The following ZW10 variants were observed in gnomAD, a reference collection of about 807,000 sequenced individuals.
ZW10 encodes centromere/kinetochore protein zw10 homolog.
In ZW10, 53 loss-of-function variants were observed where a neutral mutation model predicts 87.8. That is an observed-to-expected ratio of 0.60 (90% CI 0.48 to 0.76). The LOEUF is 0.76. ZW10 is among the 30% of genes least tolerant of loss of function. The pLI is 0.00. For missense variants in ZW10, 837 were observed against 923.0 expected, an observed-to-expected ratio of 0.91 and a Z score of 1.21; for synonymous variants, 312 against 329.2, an observed-to-expected ratio of 0.95 and a Z score of 0.57.
chr11:113,759,018 T>A (rs1020534393), intron 5 of ZW10, among the ~76,000 whole-genome samples: 8 of 151,938 alleles, frequency 5.3e-5, no homozygotes, highest in South Asian at 4.2e-4. Flanking sequence ...TAACAAAAAA[T>A]TTAAAAATTG....
chr11:113,740,106 T>C (rs957665252), intron 11 of ZW10, among the ~76,000 whole-genome samples: 1 of 152,112 alleles, frequency 6.6e-6, no homozygotes, highest in Admixed American at 6.6e-5. Flanking sequence ...AACTAGGATA[T>C]ACAAGTCAGA....
chr11:113,773,501 G>A (rs748708955), intron 1 of ZW10, 61 bp downstream of exon 1: 121 of 1,454,714 alleles, frequency 8.3e-5, no homozygotes, highest in Non-Finnish European at 1.1e-4. Context: ...CCTCTCTCCA[G>A]TCCCTTCACA....
Position 113,748,372 on chromosome 11 carries a change from G to A in ZW10, c.974C>T (p.Pro325Leu). Residue 325 changes from proline to leucine, a missense_variant, in exon 8 of 16, where the codon CCA (proline) becomes CTA (leucine). Coordinates refer to ENST00000200135, the MANE Select transcript of ZW10 (RefSeq NM_004724.4). ...CATGTCTCCAAGCATCTCAGCCAAT[G>A]GGACAGTAGATGTTTTTTCATTTTC... ...DLENEKTSTV[P>L]LAEMLGDMIW... The A allele has an allele frequency of 1.2e-6, 2 of 1,611,726 alleles. No homozygotes were observed. The highest frequency in any genetic ancestry group is 1.7e-4 in the Middle Eastern group (1 of 6,058).
intron 7 of ZW10, among the ~76,000 whole-genome samples, chr11:113,755,464 C>T (rs999571193): frequency 2.0e-5 from 3 of 152,096 alleles, no homozygotes; most frequent in Non-Finnish European, 2.9e-5. Flanking sequence ...TGATAAAACC[C>T]GAATGTATGA....
At position 113,738,615 on chromosome 11, in the gene ZW10, T is replaced by C. The variant is rs559566151; in HGVS notation, c.1754-221A>G. On this transcript the variant is annotated intron_variant, in intron 12 of 15. Coordinates refer to ENST00000200135, the MANE Select transcript of ZW10 (RefSeq NM_004724.4). ...CCCTCCAGATAATATTTTCCAGTAG[T>C]TTGCTTAGAGCCCGAGTCAGCTAAG... Among the ~76,000 whole-genome samples the C allele has an allele frequency of 3.5e-4, 54 of 152,212 alleles. 1 individual carries two copies. Among genetic ancestry groups the C allele is most frequent in the African/African-American group, 1.1e-3 (47 of 41,532 alleles).
chr11:113,734,907 C>T (rs1591407175), intron 15 of ZW10, among the ~76,000 whole-genome samples: 1 of 151,806 alleles, frequency 6.6e-6, no homozygotes, highest in African/African-American at 2.4e-5. Flanking sequence ...AAAGGCAAGT[C>T]TAAACTTTAT....
At chr11:113,739,674 T>C (rs1953593394) in intron 11 of ZW10, among the ~76,000 whole-genome samples, 1 of 152,210 alleles carries the variant, frequency 6.6e-6, no homozygotes, top group Admixed American at 6.5e-5. Context: ...AGCAGAGCTA[T>C]GCATAATAAT....
At position 113,757,706 on chromosome 11, in the gene ZW10, G is replaced by A; in HGVS notation, c.881C>T (p.Thr294Ile). ...LEYPSPSEVF[T>I]KIRLVLEVLQ... ...CACTTCTAGTACCAGTCTGATCTTTGTAAAAACTTCAGATGGTGATGGATA... is the reference window on the plus strand; with the variant it reads ...CACTTCTAGTACCAGTCTGATCTTTATAAAAACTTCAGATGGTGATGGATA... Residue 294 changes from threonine to isoleucine, a missense_variant, in exon 7 of 16, where the codon ACA becomes ATA. Physicochemically the swap from Thr to Ile is moderately conservative, Grantham distance 89. Transcript: ENST00000200135. The A allele has an allele frequency of 6.2e-7, 1 of 1,612,242 alleles. No individual in the cohort carries two copies. The highest frequency in any genetic ancestry group is 8.5e-7 in the Non-Finnish European group (1 of 1,178,770).
rs569097901 is a variant in ZW10 at position 113,750,711 on chromosome 11, A to C, written c.926-2291T>G. ...GAAAAAAGAATTGACAAAATTAGTC[A>C]CCTGAAATTAGAATTAAATGTCCAA... On this transcript the variant is annotated intron_variant, in intron 7 of 15. Transcript: ENST00000200135. Among the ~76,000 whole-genome samples the C allele has an allele frequency of 9.8e-5, 15 of 152,364 alleles. No homozygotes were observed. The South Asian group carries it at 3.1e-3, about 32-fold the overall frequency.
intron 5 of ZW10, among the ~76,000 whole-genome samples, chr11:113,759,283 A>G (rs761787257): frequency 5.3e-5 from 8 of 152,066 alleles, no homozygotes; most frequent in Non-Finnish European, 7.4e-5. Context: ...AGGGTGTGTT[A>G]TAACAAATAA....
chr11:113,752,058 CAG>C (rs1177042445), intron 7 of ZW10, among the ~76,000 whole-genome samples: 1 of 152,114 alleles, frequency 6.6e-6, no homozygotes, highest in Non-Finnish European at 1.5e-5. Flanking sequence ...TTGAAAGAAA[CAG>C]AAGACAATAA....
chr11:113,740,194 A>G (rs377731129), intron 11 of ZW10, among the ~76,000 whole-genome samples: 31 of 139,730 alleles, frequency 2.2e-4, no homozygotes, highest in African/African-American at 7.4e-4. Context: ...TTAAAAAAAA[A>G]GAAAAAAACA....
chr11:113,772,596 G>A (rs908912882), intron 1 of ZW10, among the ~76,000 whole-genome samples: 1 of 152,104 alleles, frequency 6.6e-6, no homozygotes, highest in Non-Finnish European at 1.5e-5. Context: ...TCCAGTTTTT[G>A]TATCAATCTC....
rs2271795 is a variant in ZW10, at chr11:113,768,602, T to C, written c.240+231A>G. Among the ~76,000 whole-genome samples, 274 of 152,342 alleles carry C rather than the reference T, an allele frequency of 1.8e-3. 9 individuals are homozygous for C. The East Asian group carries it at 0.047, about 26-fold the overall frequency. On this transcript the variant is annotated intron_variant, in intron 2 of 15. Coordinates refer to ENST00000200135, the MANE Select transcript of ZW10 (RefSeq NM_004724.4). Reference sequence around the variant, plus strand: ...CAAAGTGCTGGGATTACAGGCATGATGCACCGGGCCTGGTCAAATTTTCTT... The same window carrying C: ...CAAAGTGCTGGGATTACAGGCATGACGCACCGGGCCTGGTCAAATTTTCTT...
chr11:113,739,306 T>A lies in ZW10; in HGVS notation c.1660A>T (p.Thr554Ser), dbSNP rs1953588289. The A allele has an allele frequency of 6.2e-7, 1 of 1,613,586 alleles. No individual in the cohort carries two copies. Among genetic ancestry groups the A allele is most frequent in the Non-Finnish European group, 8.5e-7 (1 of 1,179,874 alleles). The change falls in exon 12 of 16, where the codon ACC becomes TCC. Residue 554 changes from threonine to serine, a missense_variant. By Grantham distance (58) the Thr-to-Ser change is moderately conservative. Coordinates refer to ENST00000200135, the MANE Select transcript of ZW10 (RefSeq NM_004724.4). ...NCMYIAHHLL[T>S]LGHQFRLRLA... ...CGCAATCTGAACTGATGCCCGAGGG[T>A]CAGCAAGTGGTGAGCAATGTACATA...
intron 7 of ZW10, among the ~76,000 whole-genome samples, chr11:113,752,543 T>C (rs77176716): frequency 6.6e-6 from 1 of 152,246 alleles, no homozygotes; most frequent in Non-Finnish European, 1.5e-5. Context: ...GCTCACTTCA[T>C]ATATCTGTGT....
At chr11:113,757,523 T>C in intron 7 of ZW10, 139 bp downstream of exon 7, 1 of 641,084 alleles carries the variant, frequency 1.6e-6, no homozygotes, top group Non-Finnish European at 2.3e-6. Flanking sequence ...GGCAACTCTT[T>C]TGCCCCTATG....
intron 2 of ZW10, among the ~76,000 whole-genome samples, chr11:113,762,306 A>G (rs1953869113): frequency 6.6e-6 from 1 of 152,224 alleles, no homozygotes; most frequent in African/African-American, 2.4e-5. Flanking sequence ...TGTATAGGGC[A>G]CTTACCATGA....
chr11:113,766,399 G>A (rs1246532992), intron 2 of ZW10, among the ~76,000 whole-genome samples: 3 of 151,976 alleles, frequency 2.0e-5, no homozygotes, highest in South Asian at 2.1e-4. Context: ...GGCTGGGCGC[G>A]GTGGCTCACG....
Sources: gnomAD v4.1 joint callset for allele counts (sites outside exome capture counted in the v4.1 genomes callset) on GRCh38, gnomAD v4.1.1 for gene constraint, MANE v1.5 for transcripts, NCBI Gene and HGNC (gene_info 2026-07-23, HGNC 2026-07-21) for gene names.